The following MYO10 variants were observed in gnomAD, a reference collection of about 807,000 sequenced individuals.
The protein encoded by MYO10 is myosin X.
A neutral mutation model predicts 257.3 loss-of-function variants in MYO10; 133 were observed. That is an observed-to-expected ratio of 0.52 (90% confidence interval 0.45 to 0.60). The LOEUF (loss-of-function observed/expected upper bound fraction) is 0.60. Among genes scored for constraint, MYO10 ranks in the 20% least tolerant of loss-of-function variants. The pLI, the probability that MYO10 is intolerant of heterozygous loss-of-function variation, is 0.00. For synonymous variants in MYO10, 1,104 were observed against 1,028.6 expected (o/e 1.07, Z -1.40); for missense variants, 2,399 against 2,635.7 (o/e 0.91, Z 1.97).
rs114637265 is a variant in MYO10 at position 16,726,433 on chromosome 5, C to T, written c.1930-15188G>A. 1.2e-3 allele frequency among the ~76,000 whole-genome samples: 178 copies of T among 152,306 alleles called. 1 individual carries two copies. The highest frequency in any genetic ancestry group is 4.2e-3 in the African/African-American group (174 of 41,564). ...TGTGTCAGCTTTCATTTAATTTTAG[C>T]AACTCTATGAGGTAGATATTATTGT... On this transcript the variant is annotated intron_variant, in intron 19 of 40. Coordinates refer to ENST00000513610, the MANE Select transcript of MYO10 (RefSeq NM_012334.3).
rs144838584 is a variant in MYO10 at position 16,859,866 on chromosome 5, C to A, written c.120+17743G>T. On this transcript the variant is annotated intron_variant, in intron 2 of 40. Transcript: ENST00000513610. ...TCACTCCCTGAGCATCCCTGGCCCA[C>A]CCCCACCCAGGGCCGTGCCCTTCCT... Among the ~76,000 whole-genome samples the A allele has an allele frequency of 1.3e-3, 203 of 152,274 alleles. 1 individual carries two copies. Among genetic ancestry groups the A allele is most frequent in the African/African-American group, 4.6e-3 (193 of 41,554 alleles).
chr5:16,794,774 G>C lies in MYO10; in HGVS notation c.339C>G (p.Tyr113Ter). The C allele has an allele frequency of 1.2e-6, 2 of 1,606,304 alleles. No homozygotes were observed. Among genetic ancestry groups the C allele is most frequent in the Non-Finnish European group, 1.7e-6 (2 of 1,176,448 alleles). The change falls in exon 4 of 41, where the codon TAC (tyrosine) becomes TAG (stop). Residue 113 changes from tyrosine to a stop codon, truncating the protein, a stop_gained. Transcript: ENST00000513610. LOFTEE classifies it high-confidence loss of function. ...TGTACTGCTCCATGGTGGCAGGCTC[G>C]TACAGCCCGGCGATGGGCTGGTAGG... ...VNPYQPIAGL[Y>*]EPATMEQYSR...
At chr5:16,841,215 A>G (rs1743471716) in intron 2 of MYO10, among the ~76,000 whole-genome samples, 1 of 152,180 alleles carries the variant, frequency 6.6e-6, no homozygotes, top group Non-Finnish European at 1.5e-5. Flanking sequence ...AGATTCAGAA[A>G]CAGTTATTAT....
chr5:16,810,354 A>G (rs562260968), intron 3 of MYO10, among the ~76,000 whole-genome samples: 1 of 151,782 alleles, frequency 6.6e-6, no homozygotes, highest in South Asian at 2.1e-4. Flanking sequence ...CTTTTCTCCC[A>G]TCTCTACCCT....
At chr5:16,666,914 TC>T in intron 40 of MYO10, 121 bp from the exon 41 acceptor site, 2 of 730,914 alleles carry the variant, frequency 2.7e-6, no homozygotes, top group Non-Finnish European at 4.4e-6. Context: ...AATCGACGGA[TC>T]CCATTTTGCA....
intron 1 of MYO10, among the ~76,000 whole-genome samples, chr5:16,912,968 G>A (rs1036675040): frequency 7.4e-6 from 1 of 135,784 alleles, no homozygotes; most frequent in Admixed American, 8.1e-5. Context: ...ACACCAGAAC[G>A]CAAGGATATT....
At chr5:16,729,723 C>T (rs1188534789) in intron 19 of MYO10, among the ~76,000 whole-genome samples, 2 of 152,138 alleles carry the variant, frequency 1.3e-5, no homozygotes, top group East Asian at 1.9e-4. Flanking sequence ...GGATCACAGG[C>T]GTGAGCCACC....
intron 19 of MYO10, chr5:16,742,083 GTGTA>G: frequency 2.0e-6 from 2 of 985,374 alleles, no homozygotes; most frequent in Non-Finnish European, 2.4e-6. Context: ...ATCAACAAAT[GTGTA>G]ATTACATTTC....
intron 2 of MYO10, 113 bp downstream of exon 2, chr5:16,877,496 G>GA (rs1291737489): frequency 5.4e-6 from 4 of 745,176 alleles, no homozygotes; most frequent in East Asian, 2.7e-5. Context: ...TATCACTTAG[G>GA]AAAAAAATGT....
chr5:16,687,655 C>T (rs749315151), intron 28 of MYO10, among the ~76,000 whole-genome samples: 18 of 152,016 alleles, frequency 1.2e-4, no homozygotes, highest in South Asian at 4.2e-4. Flanking sequence ...ATCTATCTCG[C>T]GTGCTTCCTA....
intron 9 of MYO10, among the ~76,000 whole-genome samples, chr5:16,778,207 TCTC>T (rs1741280996): frequency 2.0e-5 from 3 of 151,956 alleles, no homozygotes; most frequent in Admixed American, 1.3e-4. Flanking sequence ...AGTGATGAAA[TCTC>T]CTGGCCAGGC....
chr5:16,790,392 T>C (rs1439987336), intron 4 of MYO10, among the ~76,000 whole-genome samples: 1 of 152,142 alleles, frequency 6.6e-6, no homozygotes, highest in African/African-American at 2.4e-5. Context: ...AAAGACCACA[T>C]GATATGGTTT....
At chr5:16,790,926 C>T (rs1346401827) in intron 4 of MYO10, among the ~76,000 whole-genome samples, 1 of 148,142 alleles carries the variant, frequency 6.8e-6, no homozygotes. Context: ...CACACACACA[C>T]ACATATATTC....
At position 16,757,063 on chromosome 5, in the gene MYO10, G is replaced by A. The variant is rs184374927; in HGVS notation, c.1848+1055C>T. Among the ~76,000 whole-genome samples the A allele has an allele frequency of 1.0e-4, 15 of 149,248 alleles. No homozygotes were observed. The East Asian group carries it at 2.4e-3, about 24-fold the overall frequency. ...GAATCTGGGAGGTAGAGGTTGCAGT[G>A]AGCTGAGATCGTGCCATTGCATTCC... On this transcript the variant is annotated intron_variant, in intron 18 of 40. Transcript: ENST00000513610.
At chr5:16,694,995 A>G (rs1169249396) in intron 26 of MYO10, among the ~76,000 whole-genome samples, 1 of 152,198 alleles carries the variant, frequency 6.6e-6, no homozygotes, top group Non-Finnish European at 1.5e-5. Flanking sequence ...TGCACCAGAG[A>G]GGGAAAATTA....
intron 3 of MYO10, chr5:16,815,360 A>G: frequency 1.5e-6 from 1 of 674,748 alleles, no homozygotes. Context: ...AATATTCCCA[A>G]TGAGCATTTC....
At chr5:16,719,807 T>C (rs1739065879) in intron 19 of MYO10, among the ~76,000 whole-genome samples, 1 of 151,942 alleles carries the variant, frequency 6.6e-6, no homozygotes, top group Non-Finnish European at 1.5e-5. Flanking sequence ...CTACTAAAAA[T>C]ATAAAAATTA....
chr5:16,872,694 T>G (rs745850942), intron 2 of MYO10, among the ~76,000 whole-genome samples: 2 of 152,138 alleles, frequency 1.3e-5, no homozygotes, highest in Non-Finnish European at 2.9e-5. Flanking sequence ...TTAATTGGAC[T>G]TACAGTTCCA....
At chr5:16,852,095 T>C (rs1411384103) in intron 2 of MYO10, among the ~76,000 whole-genome samples, 3 of 116,132 alleles carry the variant, frequency 2.6e-5, no homozygotes, top group Non-Finnish European at 3.5e-5. Flanking sequence ...TACTGATCAC[T>C]GGGAAGGAAA....
Sources: allele counts gnomAD v4.1 joint callset (sites outside exome capture counted in the v4.1 genomes callset), GRCh38; gene constraint gnomAD v4.1.1; transcripts MANE v1.5; gene names NCBI Gene and HGNC (gene_info 2026-07-23, HGNC 2026-07-21).